The following PCDH7 variants were observed in gnomAD, a reference collection of about 807,000 sequenced individuals.
PCDH7 encodes protocadherin-7.
Under a neutral mutation model 58.9 loss-of-function variants are expected in PCDH7, and 17 were observed. That is an observed-to-expected ratio of 0.29 (90% CI 0.20 to 0.43). PCDH7 has a LOEUF of 0.43. Ranked by LOEUF, PCDH7 falls within the 20% of genes least tolerant of loss-of-function variation. The pLI, the probability that PCDH7 is intolerant of heterozygous loss-of-function variation, is 1.00. For missense variants in PCDH7, 1,274 were observed against 1,441.0 expected, an observed-to-expected ratio of 0.88 and a Z score of 1.88; for synonymous variants, 664 against 616.4, an observed-to-expected ratio of 1.08 and a Z score of -1.14.
intron 1 of PCDH7, chr4:30,885,029 A>G (rs1042188632): frequency 6.6e-6 from 1 of 152,156 alleles, no homozygotes; most frequent in African/African-American, 2.4e-5. Context: ...GGTAAGATGA[A>G]ATGGAAGGGG....
intron 3 of PCDH7, among the ~76,000 whole-genome samples, chr4:31,075,592 G>A (rs953695980): frequency 1.3e-4 from 20 of 152,116 alleles, no homozygotes; most frequent in African/African-American, 4.1e-4. Context: ...ACAAAGGTGT[G>A]GATTATGACT....
intron 1 of PCDH7, chr4:30,730,710 GA>G: frequency 6.8e-7 from 1 of 1,472,070 alleles, no homozygotes; most frequent in Non-Finnish European, 9.3e-7. Context: ...TTTCTTTATC[GA>G]TTTTTTTTTA....
chr4:30,861,157 T>C (rs1734147251), intron 1 of PCDH7, among the ~76,000 whole-genome samples: 1 of 152,190 alleles, frequency 6.6e-6, no homozygotes, highest in Non-Finnish European at 1.5e-5. Context: ...AGCCCCACCT[T>C]ATACACTAGA....
intron 3 of PCDH7, among the ~76,000 whole-genome samples, chr4:31,036,087 C>A (rs571438048): frequency 1.3e-5 from 2 of 152,286 alleles, no homozygotes; most frequent in East Asian, 3.9e-4. Flanking sequence ...ATGTGTTTTA[C>A]ACAAAATGTG....
intron 2 of PCDH7, among the ~76,000 whole-genome samples, chr4:30,946,690 T>TTGTG (rs112524366): frequency 0.15 from 21,126 of 137,464 alleles, 1,697 homozygotes; most frequent in Middle Eastern, 0.19. Context: ...CTTATCTCTT[T>TTGTG]TGTGTGTGTG....
chr4:30,852,143 T>C (rs940023024), intron 1 of PCDH7, among the ~76,000 whole-genome samples: 1 of 152,098 alleles, frequency 6.6e-6, no homozygotes, highest in African/African-American at 2.4e-5. Flanking sequence ...TTTCTATTTA[T>C]GTCTAGCAAT....
intron 3 of PCDH7, among the ~76,000 whole-genome samples, chr4:31,028,029 A>G (rs1465792931): frequency 6.6e-6 from 1 of 152,120 alleles, no homozygotes; most frequent in Non-Finnish European, 1.5e-5. Context: ...GACCATGGTC[A>G]TTTTGTACCT....
chr4:31,011,861 A>G (rs560438470), intron 3 of PCDH7, among the ~76,000 whole-genome samples: 1 of 152,162 alleles, frequency 6.6e-6, no homozygotes, highest in South Asian at 2.1e-4. Context: ...CCTATACCAT[A>G]ATTATTTTTT....
chr4:30,873,201 C>A (rs1279254148), intron 1 of PCDH7, among the ~76,000 whole-genome samples: 1 of 151,986 alleles, frequency 6.6e-6, no homozygotes, highest in Non-Finnish European at 1.5e-5. Flanking sequence ...TGAAGGCAAC[C>A]ACTAAGTCCT....
At chr4:30,966,533 G>T (rs945597233) in intron 3 of PCDH7, among the ~76,000 whole-genome samples, 10 of 152,108 alleles carry the variant, frequency 6.6e-5, no homozygotes, top group African/African-American at 2.4e-4. Context: ...GGGTATGAAA[G>T]TAAAGGAAGA....
intron 1 of PCDH7, among the ~76,000 whole-genome samples, chr4:30,895,112 C>T (rs1302548904): frequency 6.7e-6 from 1 of 149,776 alleles, no homozygotes; most frequent in African/African-American, 2.5e-5. Flanking sequence ...GTTCCATTTT[C>T]ATTATGAACA....
chr4:31,107,732 A>C (rs1715757147), intron 3 of PCDH7, among the ~76,000 whole-genome samples: 1 of 152,168 alleles, frequency 6.6e-6, no homozygotes, highest in Non-Finnish European at 1.5e-5. Context: ...AAATAAAAGT[A>C]GTTTATAATC....
chr4:30,842,446 AT>A (rs1355368555), intron 1 of PCDH7, among the ~76,000 whole-genome samples: 1 of 152,098 alleles, frequency 6.6e-6, no homozygotes, highest in Non-Finnish European at 1.5e-5. Context: ...ATGGAACTGG[AT>A]TAGTATCTGT....
intron 3 of PCDH7, among the ~76,000 whole-genome samples, chr4:31,054,749 G>A (rs1483534843): frequency 1.3e-5 from 2 of 152,104 alleles, no homozygotes; most frequent in African/African-American, 2.4e-5. Context: ...TGCCAAACAG[G>A]TGTGCTAATA....
downstream of PCDH7, among the ~76,000 whole-genome samples, chr4:30,735,548 T>TA (rs1208906088): frequency 1.3e-5 from 2 of 152,152 alleles, no homozygotes. Flanking sequence ...GTTCAGACTT[T>TA]AGCTCGCCAG....
chr4:31,097,116 A>G (rs1467648714), intron 3 of PCDH7, among the ~76,000 whole-genome samples: 1 of 152,152 alleles, frequency 6.6e-6, no homozygotes, highest in East Asian at 1.9e-4. Flanking sequence ...ACAATGACAA[A>G]TAGAAAGTAT....
At chr4:30,891,544 C>T (rs1018745702) in intron 1 of PCDH7, among the ~76,000 whole-genome samples, 15 of 151,982 alleles carry the variant, frequency 9.9e-5, no homozygotes, top group Non-Finnish European at 2.2e-4. Flanking sequence ...TTAAGACTTT[C>T]TCTTCCCCTT....
At chr4:31,117,068 A>C (rs1717085370) in intron 3 of PCDH7, among the ~76,000 whole-genome samples, 1 of 152,142 alleles carries the variant, frequency 6.6e-6, no homozygotes, top group African/African-American at 2.4e-5. Flanking sequence ...TTGTATTTTT[A>C]GTAGAGACAG....
intron 3 of PCDH7, among the ~76,000 whole-genome samples, chr4:31,105,121 A>C (rs1244499082): frequency 6.6e-6 from 1 of 152,190 alleles, no homozygotes; most frequent in Admixed American, 6.5e-5. Flanking sequence ...AAAATATTAA[A>C]TCCTAAACCT....
Sources: gnomAD v4.1 joint callset for allele counts (sites outside exome capture counted in the v4.1 genomes callset) on GRCh38, gnomAD v4.1.1 for gene constraint, MANE v1.5 for transcripts, NCBI Gene and HGNC (gene_info 2026-07-23, HGNC 2026-07-21) for gene names.